The following FAM83B variants were observed in gnomAD, a reference collection of about 807,000 sequenced individuals.
FAM83B encodes scaffolding CK1 anchoring protein B.
A neutral mutation model predicts 38.8 loss-of-function variants in FAM83B; 26 were observed. The ratio of observed to expected loss-of-function variants is 0.67; its 90% confidence interval spans 0.49 to 0.93. The LOEUF (loss-of-function observed/expected upper bound fraction) is 0.93. Ranked by LOEUF, FAM83B falls within the 40% of genes least tolerant of loss-of-function variation. The pLI, the probability that FAM83B is intolerant of heterozygous loss-of-function variation, is 0.00. For synonymous variants in FAM83B, 419 were observed against 423.1 expected (o/e 0.99, Z 0.12); for missense variants, 1,237 against 1,197.3 (o/e 1.03, Z -0.49).
intron 2 of FAM83B, among the ~76,000 whole-genome samples, chr6:54,917,253 G>A (rs1000714473): frequency 6.6e-6 from 1 of 152,098 alleles, no homozygotes; most frequent in Non-Finnish European, 1.5e-5. Flanking sequence ...TTAGAAACTA[G>A]GTGTAACAGA....
intron 1 of FAM83B, among the ~76,000 whole-genome samples, chr6:54,861,196 C>G (rs186799692): frequency 1.7e-3 from 258 of 152,322 alleles, no homozygotes; most frequent in Middle Eastern, 6.8e-3. Flanking sequence ...TGAATTTGAG[C>G]AAATCTTTCC....
In FAM83B at chr6:54,871,555, CAATAATAAT is replaced by C. The variant is rs3064912; in HGVS notation, c.444+898_444+906del. Among the ~76,000 whole-genome samples, 625 of 127,132 alleles carry C rather than the reference CAATAATAAT, an allele frequency of 4.9e-3. 3 individuals are homozygous for C. Among genetic ancestry groups the C allele is most frequent in the Admixed American group, 6.3e-3 (76 of 12,102 alleles). The allele number at this position is 127,132 out of a possible 152,430, so 83.4% of individuals were successfully genotyped here. A position where few individuals can be genotyped will look rare whatever the true frequency, so the allele number is the denominator to read the frequency against. On this transcript the variant is annotated intron_variant, in intron 2 of 4. Coordinates refer to ENST00000306858, the MANE Select transcript of FAM83B (RefSeq NM_001010872.3). ...CCAACATAGCAAAACCTCGTCTCTA[CAATAATAAT>C]AATAATAATAATAATAATAATAATA...
At chr6:54,858,343 C>T (rs1243080603) in intron 1 of FAM83B, among the ~76,000 whole-genome samples, 1 of 152,106 alleles carries the variant, frequency 6.6e-6, no homozygotes, top group African/African-American at 2.4e-5. Context: ...TAAGTTTTGC[C>T]TACCTTTAGA....
chr6:54,909,844 C>T (rs1772865356), intron 2 of FAM83B, among the ~76,000 whole-genome samples: 1 of 152,058 alleles, frequency 6.6e-6, no homozygotes, highest in South Asian at 2.1e-4. Context: ...AAGCCTGTGC[C>T]TTTAAAGATG....
chr6:54,887,898 A>C (rs1036740832), intron 2 of FAM83B, among the ~76,000 whole-genome samples: 6 of 151,678 alleles, frequency 4.0e-5, no homozygotes, highest in African/African-American at 1.2e-4. Context: ...AACAGTGCAT[A>C]GTTATATTTT....
chr6:54,939,616 A>C (rs1033548779), intron 4 of FAM83B, 90 bp from the exon 5 acceptor site: 42 of 1,212,262 alleles, frequency 3.5e-5, no homozygotes, highest in Admixed American at 8.8e-5. Context: ...AAGTACAAAA[A>C]CATAGTCATT....
At chr6:54,881,333 C>G (rs1201129563) in intron 2 of FAM83B, among the ~76,000 whole-genome samples, 1 of 152,184 alleles carries the variant, frequency 6.6e-6, no homozygotes, top group African/African-American at 2.4e-5. Flanking sequence ...AAGAAAGCCT[C>G]ATAACTGTTT....
chr6:54,944,551 G>A lies in FAM83B; in HGVS notation c.*2544G>A, dbSNP rs906148652. 15 of 152,170 alleles carry A rather than the reference G, an allele frequency of 9.9e-5. No individual in the cohort carries two copies. The highest frequency in any genetic ancestry group is 3.1e-4 in the African/African-American group (13 of 41,436). 9.4% of individuals were successfully genotyped at this position (152,170 alleles called of 1,614,324 possible). A position where few individuals can be genotyped will look rare whatever the true frequency, so the allele number is the denominator to read the frequency against. On this transcript the variant is annotated 3_prime_UTR_variant, in exon 5 of 5. Coordinates refer to ENST00000306858, the MANE Select transcript of FAM83B (RefSeq NM_001010872.3). Reference sequence around the variant, plus strand: ...ATGGTGTGTTCAGGTATGGGTATATGTTGTCAGTCTACACTTGTGGAAGCA... The same window carrying A: ...ATGGTGTGTTCAGGTATGGGTATATATTGTCAGTCTACACTTGTGGAAGCA...
At chr6:54,916,049 TA>T (rs1773030659) in intron 2 of FAM83B, among the ~76,000 whole-genome samples, 2 of 152,150 alleles carry the variant, frequency 1.3e-5, no homozygotes, top group Non-Finnish European at 2.9e-5. Flanking sequence ...ATCTCTTTCT[TA>T]GTAGAATTCC....
rs1348807111 is a variant in FAM83B at position 54,940,641 on chromosome 6, A to G, written c.1670A>G (p.Asn557Ser). The G allele has an allele frequency of 1.9e-6, 3 of 1,614,046 alleles. No individual in the cohort carries two copies. The South Asian group carries it at 3.3e-5, about 18-fold the overall frequency. The change falls in exon 5 of 5, where the codon AAC becomes AGC. Residue 557 changes from asparagine (N) to serine (S), a missense_variant. Transcript: ENST00000306858. ...ACTTTACCTGAGCAAAAGGAAGTTA[A>G]CAGTTGTACAACTGGCTCCTCAAAT... ...KPTLPEQKEV[N>S]SCTTGSSNST...
chr6:54,933,937 G>T (rs1773476382), intron 4 of FAM83B, among the ~76,000 whole-genome samples: 1 of 152,058 alleles, frequency 6.6e-6, no homozygotes, highest in Non-Finnish European at 1.5e-5. Flanking sequence ...CTCTCTGTTT[G>T]TTTCATGCTG....
At chr6:54,893,068 G>C (rs1353559502) in intron 2 of FAM83B, among the ~76,000 whole-genome samples, 1 of 152,038 alleles carries the variant, frequency 6.6e-6, no homozygotes, top group Non-Finnish European at 1.5e-5. Flanking sequence ...CTTGGAAACA[G>C]ATACTCTTTC....
chr6:54,892,733 A>G (rs239779), intron 2 of FAM83B, among the ~76,000 whole-genome samples: 96,351 of 149,412 alleles, frequency 0.64, 33,006 homozygotes, highest in East Asian at 0.89. Context: ...TTTATATTTT[A>G]AACACCAAAT....
chr6:54,905,325 G>A (rs1465529001), intron 2 of FAM83B, among the ~76,000 whole-genome samples: 2 of 152,162 alleles, frequency 1.3e-5, no homozygotes, highest in African/African-American at 2.4e-5. Flanking sequence ...CTCAGTACGT[G>A]TGCGATTGTG....
rs113150241 is a variant in FAM83B, at chr6:54,920,238, C to T, written c.445-6133C>T. Among the ~76,000 whole-genome samples the T allele has an allele frequency of 8.7e-3, 1,316 of 151,502 alleles. 12 individuals are homozygous for T. The highest frequency in any genetic ancestry group is 0.02 in the Middle Eastern group (6 of 294). ...TTTACAGACTTGGAAATATATGTCCCTTAAGTGATCATTTCCCTTTATCTG... is the reference window on the plus strand; with the variant it reads ...TTTACAGACTTGGAAATATATGTCCTTTAAGTGATCATTTCCCTTTATCTG... On this transcript the variant is annotated intron_variant, in intron 2 of 4. Transcript: ENST00000306858.
chr6:54,885,142 A>G (rs1772244217), intron 2 of FAM83B, among the ~76,000 whole-genome samples: 1 of 152,008 alleles, frequency 6.6e-6, no homozygotes, highest in Admixed American at 6.5e-5. Flanking sequence ...GAATTTTAGA[A>G]TCATCTTGTC....
At chr6:54,939,645 T>C (rs1581934582) in intron 4 of FAM83B, 61 bp from the exon 5 acceptor site, 1 of 1,413,400 alleles carries the variant, frequency 7.1e-7, no homozygotes, top group East Asian at 2.4e-5. Flanking sequence ...CTTTTTTTAG[T>C]AGAACTATAT....
intron 1 of FAM83B, among the ~76,000 whole-genome samples, chr6:54,854,882 A>G (rs773577416): frequency 6.6e-6 from 1 of 152,188 alleles, no homozygotes; most frequent in Non-Finnish European, 1.5e-5. Context: ...ATATTCAACA[A>G]TATGTTTCTA....
At chr6:54,926,601 G>A (rs568383674) in intron 3 of FAM83B, 66 bp downstream of exon 3, 2 of 1,239,558 alleles carry the variant, frequency 1.6e-6, no homozygotes, top group Admixed American at 2.3e-5. Flanking sequence ...TCAAATGTAA[G>A]GCATCTTAAG....
Sources: allele counts gnomAD v4.1 joint callset (sites outside exome capture counted in the v4.1 genomes callset), GRCh38; gene constraint gnomAD v4.1.1; transcripts MANE v1.5; gene names NCBI Gene and HGNC (gene_info 2026-07-23, HGNC 2026-07-21).